The following NBEAL1 variants were observed in gnomAD, a reference collection of about 807,000 sequenced individuals.
NBEAL1 encodes neurobeachin like 1.
A neutral mutation model predicts 351.3 loss-of-function variants in NBEAL1; 273 were observed. The ratio of observed to expected loss-of-function variants is 0.78; its 90% CI spans 0.70 to 0.86. NBEAL1 has a LOEUF of 0.86. Among genes scored for constraint, NBEAL1 ranks in the 40% least tolerant of loss-of-function variants. The probability of loss-of-function intolerance (pLI) is 0.00; values close to 1 mark genes in which losing one functional copy is unlikely to be tolerated. For missense variants in NBEAL1, 2,961 were observed against 3,201.3 expected, an observed-to-expected ratio of 0.92 and a Z score of 1.81; for synonymous variants, 1,050 against 1,086.4, an observed-to-expected ratio of 0.97 and a Z score of 0.66.
At chr2:203,058,765 G>A (rs1448100027) in intron 6 of NBEAL1, among the ~76,000 whole-genome samples, 1 of 152,164 alleles carries the variant, frequency 6.6e-6, no homozygotes, top group Non-Finnish European at 1.5e-5. Flanking sequence ...CAAAAGGGAG[G>A]CAGCTGGAAA....
At chr2:203,030,902 C>T (rs1023074604) in intron 2 of NBEAL1, among the ~76,000 whole-genome samples, 1 of 152,118 alleles carries the variant, frequency 6.6e-6, no homozygotes, top group African/African-American at 2.4e-5. Context: ...ATAGTCACAG[C>T]CACTTGGGAG....
In NBEAL1 at chr2:203,016,398, A is replaced by G. The variant is rs1380232795; in HGVS notation, c.14A>G (p.Glu5Gly). The G allele has an allele frequency of 2.0e-6, 3 of 1,494,504 alleles. No individual in the cohort carries two copies. Among genetic ancestry groups the G allele is most frequent in the Non-Finnish European group, 2.7e-6 (3 of 1,106,896 alleles). 92.6% of individuals were successfully genotyped at this position (1,494,504 alleles called of 1,614,324 possible). MASRERLFELWMLYC... is the reference protein window; with the variant it reads MASRGRLFELWMLYC... ...GTGAAAGCCAGAATGGCATCCAGAG[A>G]GAGGCTCTTTGAACTTTGGATGCTT... The change falls in exon 2 of 56, where the codon GAG becomes GGG. Residue 5 changes from glutamate (E) to glycine (G), a missense_variant. Transcript: ENST00000683969.
rs2063085289 is a variant in NBEAL1 at position 203,132,019 on chromosome 2, A to G, written c.3611A>G (p.Lys1204Arg). 1 of 1,554,338 alleles carries G rather than the reference A, an allele frequency of 6.4e-7. No homozygotes were observed. Among genetic ancestry groups the G allele is most frequent in the Non-Finnish European group, 8.7e-7 (1 of 1,147,642 alleles). The change falls in exon 26 of 56, where the codon AAA (lysine) becomes AGA (arginine). Residue 1204 changes from lysine to arginine, a missense_variant. Physicochemically the swap from Lys to Arg is conservative, Grantham distance 26. Coordinates refer to ENST00000683969, the MANE Select transcript of NBEAL1 (RefSeq NM_001378026.1). The part of the protein sequence containing the change: ...LKCTNVYERS[K>R]QHIRLREVGY... ...TGCACGAACGTTTATGAGCGTAGTA[A>G]ACAACATATTCGACTCAGAGAAGTT...
At chr2:203,195,838 G>A (rs539009506) in intron 47 of NBEAL1, among the ~76,000 whole-genome samples, 1 of 152,292 alleles carries the variant, frequency 6.6e-6, no homozygotes, top group East Asian at 1.9e-4. Context: ...ACACCCCTCT[G>A]ACTAGCACAT....
chr2:203,167,391 A>G (rs1166599458), intron 38 of NBEAL1, 31 bp downstream of exon 38: 2 of 1,559,296 alleles, frequency 1.3e-6, no homozygotes, highest in African/African-American at 1.4e-5. Context: ...AAATCCCAAA[A>G]TGCTAGCTTT....
intron 24 of NBEAL1, among the ~76,000 whole-genome samples, chr2:203,129,838 G>A (rs2063032591): frequency 6.6e-6 from 1 of 152,164 alleles, no homozygotes; most frequent in Admixed American, 6.5e-5. Context: ...GTTCCAACAG[G>A]TAAATTTGAA....
At chr2:203,151,811 A>T (rs189595369) in intron 35 of NBEAL1, among the ~76,000 whole-genome samples, 135 of 152,286 alleles carry the variant, frequency 8.9e-4, no homozygotes, top group African/African-American at 2.4e-3. Flanking sequence ...AGAAAAAAAA[A>T]TTTTAATTAT....
intron 47 of NBEAL1, among the ~76,000 whole-genome samples, chr2:203,194,665 A>G (rs571971817): frequency 9.2e-5 from 14 of 152,298 alleles, no homozygotes; most frequent in Admixed American, 6.5e-4. Context: ...TATTCTGTAG[A>G]TACATATATA....
intron 29 of NBEAL1, among the ~76,000 whole-genome samples, chr2:203,137,932 C>G (rs1001594178): frequency 1.3e-5 from 2 of 151,146 alleles, no homozygotes; most frequent in Non-Finnish European, 2.9e-5. Flanking sequence ...TGCAGTGAGC[C>G]GAGATCACAC....
chr2:203,210,759 C>G (rs2065765139), intron 53 of NBEAL1, among the ~76,000 whole-genome samples, 199 bp from the exon 54 acceptor site: 2 of 152,118 alleles, frequency 1.3e-5, no homozygotes, highest in African/African-American at 4.8e-5. Context: ...AGTGAGATTT[C>G]TCGTTTAATA....
intron 18 of NBEAL1, among the ~76,000 whole-genome samples, chr2:203,119,139 TTAAA>T (rs2062765913): frequency 6.6e-6 from 1 of 152,126 alleles, no homozygotes; most frequent in African/African-American, 2.4e-5. Flanking sequence ...GACTCTATAG[TTAAA>T]TAAATTTGGG....
In NBEAL1 at chr2:203,082,870, T is replaced by C. The variant is rs575448190; in HGVS notation, c.685-349T>C. On this transcript the variant is annotated intron_variant, in intron 8 of 55. Transcript: ENST00000683969. ...GATATAAAGGTGGCTGCAAGCATTA[T>C]GTTTACATTCTAGGCAGGAAAAGGT... 1.2e-4 allele frequency among the ~76,000 whole-genome samples: 19 copies of C among 152,320 alleles called. No individual in the cohort carries two copies. In the East Asian group the frequency reaches 3.7e-3, roughly 29 times the overall value.
chr2:203,153,852 T>C (rs1054901151), intron 35 of NBEAL1, among the ~76,000 whole-genome samples: 1 of 152,224 alleles, frequency 6.6e-6, no homozygotes, highest in Non-Finnish European at 1.5e-5. Flanking sequence ...CTCTGTTTTT[T>C]CCTCTCCTTC....
chr2:203,142,768 G>A (rs1465401999), intron 31 of NBEAL1, among the ~76,000 whole-genome samples: 8 of 152,158 alleles, frequency 5.3e-5, no homozygotes, highest in Admixed American at 1.3e-4. Context: ...CCTGGATGTA[G>A]GGATTGTATG....
chr2:203,026,425 A>G (rs1417593694), intron 2 of NBEAL1, among the ~76,000 whole-genome samples: 2 of 152,114 alleles, frequency 1.3e-5, no homozygotes, highest in African/African-American at 2.4e-5. Flanking sequence ...GAGAAATGAT[A>G]TTCTTAAGAC....
chr2:203,041,773 A>C lies in NBEAL1; in HGVS notation c.60A>C (p.Pro20=). Residue 20 remains proline (P), a synonymous_variant, in exon 3 of 56, where the codon CCA becomes CCC. Transcript: ENST00000683969. ...TGGTTTTGTTATTTCAGAAAGATCCAGATTACCTGAAGCTGTGGTTGGACA... is the reference window on the plus strand; with the variant it reads ...TGGTTTTGTTATTTCAGAAAGATCCCGATTACCTGAAGCTGTGGTTGGACA... The part of the protein sequence containing the change: ...LWMLYCTKKD[P]DYLKLWLDTF... 6.4e-7 allele frequency: 1 copy of C among 1,551,994 alleles called. No individual in the cohort carries two copies. Among genetic ancestry groups the C allele is most frequent in the East Asian group, 2.4e-5 (1 of 41,522 alleles).
At chr2:203,169,083 T>C (rs899131979) in intron 38 of NBEAL1, among the ~76,000 whole-genome samples, 2 of 152,130 alleles carry the variant, frequency 1.3e-5, no homozygotes, top group African/African-American at 2.4e-5. Flanking sequence ...ATTTGAAGTA[T>C]ACTTGAGCAA....
chr2:203,034,510 G>A (rs1430528200), intron 2 of NBEAL1, among the ~76,000 whole-genome samples: 3 of 141,572 alleles, frequency 2.1e-5, no homozygotes, highest in Middle Eastern at 3.3e-3. Flanking sequence ...CCAGGCTGGA[G>A]TGCAATGGCA....
chr2:203,071,907 T>G (rs2061690323), intron 7 of NBEAL1, among the ~76,000 whole-genome samples: 1 of 152,198 alleles, frequency 6.6e-6, no homozygotes, highest in Non-Finnish European at 1.5e-5. Flanking sequence ...CCTCTTTGGT[T>G]GATACTCTGT....
Sources: gnomAD v4.1 joint callset for allele counts (sites outside exome capture counted in the v4.1 genomes callset) on GRCh38, gnomAD v4.1.1 for gene constraint, MANE v1.5 for transcripts, NCBI Gene and HGNC (gene_info 2026-07-23, HGNC 2026-07-21) for gene names.